The following STXBP5 variants were observed in gnomAD, a reference collection of about 807,000 sequenced individuals.
The protein encoded by STXBP5 is syntaxin binding protein 5.
A neutral mutation model predicts 152.4 loss-of-function variants in STXBP5; 50 were observed. That is an observed-to-expected ratio of 0.33 (90% confidence interval 0.26 to 0.42). STXBP5 has a LOEUF of 0.42. Among genes scored for constraint, STXBP5 ranks in the 10% least tolerant of loss-of-function variants. STXBP5 has a pLI of 1.00. For synonymous variants in STXBP5, 492 were observed against 494.7 expected, an observed-to-expected ratio of 0.99 and a Z score of 0.07; for missense variants, 1,167 against 1,388.6, an observed-to-expected ratio of 0.84 and a Z score of 2.54.
At chr6:147,367,770 T>C (rs1191962463) in intron 25 of STXBP5, among the ~76,000 whole-genome samples, 1 of 151,884 alleles carries the variant, frequency 6.6e-6, no homozygotes, top group African/African-American at 2.4e-5. Context: ...CTAATAAAAT[T>C]AATCTCAAGC....
intron 2 of STXBP5, among the ~76,000 whole-genome samples, chr6:147,231,055 G>T (rs534244608): frequency 6.6e-6 from 1 of 151,798 alleles, no homozygotes; most frequent in South Asian, 2.1e-4. Context: ...CAGTTAGAGT[G>T]ACGCTTGTTT....
intron 7 of STXBP5, among the ~76,000 whole-genome samples, chr6:147,269,379 G>A (rs1780045447): frequency 6.6e-6 from 1 of 152,126 alleles, no homozygotes; most frequent in South Asian, 2.1e-4. Context: ...CTGTTTTTAA[G>A]TACGTAACTA....
intron 25 of STXBP5, among the ~76,000 whole-genome samples, chr6:147,373,133 G>A (rs1013652401): frequency 2.6e-5 from 4 of 152,072 alleles, no homozygotes; most frequent in Non-Finnish European, 5.9e-5. Context: ...TTGGGAGGCT[G>A]AGGTGGGTGG....
intron 9 of STXBP5, among the ~76,000 whole-genome samples, chr6:147,309,802 C>G (rs914395220): frequency 6.6e-6 from 1 of 151,482 alleles, no homozygotes; most frequent in African/African-American, 2.4e-5. Flanking sequence ...CAGCAGAAAG[C>G]CAGAGAGAAT....
intron 13 of STXBP5, 108 bp downstream of exon 13, chr6:147,314,439 G>A (rs958631581): frequency 2.6e-5 from 33 of 1,280,034 alleles, no homozygotes; most frequent in Admixed American, 4.0e-5. Context: ...CCTTTATGTC[G>A]TAATATAATA....
intron 8 of STXBP5, among the ~76,000 whole-genome samples, chr6:147,288,622 C>T (rs1781116246): frequency 6.6e-6 from 1 of 152,108 alleles, no homozygotes; most frequent in Non-Finnish European, 1.5e-5. Context: ...CCTCCTGTTA[C>T]TGGTGGCATA....
At chr6:147,232,710 C>CCTTA (rs1204644074) in intron 2 of STXBP5, among the ~76,000 whole-genome samples, 8 of 151,812 alleles carry the variant, frequency 5.3e-5, no homozygotes, top group African/African-American at 1.9e-4. Flanking sequence ...ATTTAAGGCA[C>CCTTA]AGTGCCTAAC....
intron 26 of STXBP5, among the ~76,000 whole-genome samples, chr6:147,379,825 A>T (rs893780875): frequency 1.3e-5 from 2 of 152,162 alleles, no homozygotes; most frequent in African/African-American, 4.8e-5. Flanking sequence ...TAGAAAATGA[A>T]TTGCATTTCT....
intron 18 of STXBP5, among the ~76,000 whole-genome samples, chr6:147,331,803 G>A (rs1461735746): frequency 5.6e-5 from 5 of 89,850 alleles, no homozygotes; most frequent in African/African-American, 2.0e-4. Flanking sequence ...TTTTCTACCA[G>A]TTAAAAAAAA....
chr6:147,383,146 A>G (rs1786174296), intron 27 of STXBP5, 148 bp downstream of exon 27: 7 of 881,488 alleles, frequency 7.9e-6, no homozygotes. Context: ...TTGCCACCAG[A>G]GGGAACCATT....
chr6:147,346,586 A>C (rs1784342279), intron 21 of STXBP5, among the ~76,000 whole-genome samples: 1 of 152,056 alleles, frequency 6.6e-6, no homozygotes, highest in Non-Finnish European at 1.5e-5. Context: ...AAAAGTACAA[A>C]AAAATTAGCC....
At chr6:147,237,446 C>T (rs943559479) in intron 3 of STXBP5, among the ~76,000 whole-genome samples, 1 of 152,142 alleles carries the variant, frequency 6.6e-6, no homozygotes, top group African/African-American at 2.4e-5. Context: ...GCTATTTTGG[C>T]TCTATGTCTT....
rs574888921 is a variant in STXBP5, at chr6:147,287,449, G to T, written c.839-3645G>T. 2.6e-5 allele frequency among the ~76,000 whole-genome samples: 4 copies of T among 151,936 alleles called. No homozygotes were observed. In the East Asian group the frequency reaches 5.8e-4, roughly 22 times the overall value. ...GATCTCCTGACCTCGTGATCCGCCC[G>T]CCTCGGCCTCCCAAAGTGCTGGGAT... On this transcript the variant is annotated intron_variant, in intron 8 of 27. Coordinates refer to ENST00000321680, the MANE Select transcript of STXBP5 (RefSeq NM_001127715.4).
Position 147,303,528 on chromosome 6 carries a change from T to C in STXBP5, c.918-6556T>C, listed in dbSNP as rs529866147. 6.6e-5 allele frequency among the ~76,000 whole-genome samples: 10 copies of C among 152,188 alleles called. No homozygotes were observed. In the South Asian group the frequency reaches 1.5e-3, roughly 22 times the overall value. ...CAGGAGAACTAACTAATACAGTAAA[T>C]TGGCACCAGGAGTGGGGCACTGCTG... On this transcript the variant is annotated intron_variant, in intron 9 of 27. Transcript: ENST00000321680.
chr6:147,284,001 A>G (rs558889706), intron 8 of STXBP5, among the ~76,000 whole-genome samples: 1 of 152,246 alleles, frequency 6.6e-6, no homozygotes, highest in South Asian at 2.1e-4. Flanking sequence ...TGTTAAAAAC[A>G]GTAAAAAGAA....
intron 21 of STXBP5, among the ~76,000 whole-genome samples, chr6:147,340,277 T>C (rs1451014197): frequency 6.6e-6 from 1 of 152,070 alleles, no homozygotes; most frequent in East Asian, 1.9e-4. Flanking sequence ...TCAAAAATTC[T>C]TAGAAGTAAC....
chr6:147,233,362 T>C (rs896146902), intron 2 of STXBP5, among the ~76,000 whole-genome samples: 4 of 151,778 alleles, frequency 2.6e-5, no homozygotes, highest in Non-Finnish European at 5.9e-5. Context: ...GTCATAGCTA[T>C]GTTTTACTCA....
At chr6:147,308,477 T>C (rs1782207366) in intron 9 of STXBP5, among the ~76,000 whole-genome samples, 2 of 152,168 alleles carry the variant, frequency 1.3e-5, no homozygotes, top group African/African-American at 4.8e-5. Flanking sequence ...GAAACAATAT[T>C]TAATTACTAC....
At chr6:147,213,477 T>TGTGTGTGTGTGCGCGC in intron 2 of STXBP5, among the ~76,000 whole-genome samples, 51 of 131,322 alleles carry the variant, frequency 3.9e-4, no homozygotes, top group Middle Eastern at 3.9e-3. Context: ...TGTGTGTGTG[T>TGTGTGTGTGTGCGCGC]GCGCGCGCAT....
Sources: allele counts gnomAD v4.1 joint callset (sites outside exome capture counted in the v4.1 genomes callset), GRCh38; gene constraint gnomAD v4.1.1; transcripts MANE v1.5; gene names NCBI Gene and HGNC (gene_info 2026-07-23, HGNC 2026-07-21).